Variants in HMGB1 observed in about 807,000 individuals in gnomAD.
HMGB1 encodes the protein high mobility group box 1.
For synonymous variants in HMGB1, 81 were observed against 84.0 expected, an observed-to-expected ratio of 0.96 and a Z score of 0.19; for missense variants, 79 against 253.5, an observed-to-expected ratio of 0.31 and a Z score of 4.67.
intron 1 of HMGB1, among the ~76,000 whole-genome samples, chr13:30,582,648 A>C (rs2137544103): frequency 6.6e-6 from 1 of 152,128 alleles, no homozygotes; most frequent in African/African-American, 2.4e-5. Flanking sequence ...AAAAAAAAAA[A>C]CAAAAACCAT....
At chr13:30,504,770 T>C (rs1887812091) in intron 1 of HMGB1, among the ~76,000 whole-genome samples, 1 of 150,330 alleles carries the variant, frequency 6.7e-6, no homozygotes, top group Non-Finnish European at 1.5e-5. Context: ...CAAGGAGGGG[T>C]AATACCAGAT....
At chr13:30,609,587 A>T (rs1950494839) in intron 1 of HMGB1, among the ~76,000 whole-genome samples, 1 of 152,190 alleles carries the variant, frequency 6.6e-6, no homozygotes, top group East Asian at 1.9e-4. Flanking sequence ...GACAGCAAGA[A>T]CAACCCGTCC....
intron 1 of HMGB1, among the ~76,000 whole-genome samples, chr13:30,513,390 T>G (rs1381661866): frequency 6.6e-6 from 1 of 152,212 alleles, no homozygotes; most frequent in Admixed American, 6.5e-5. Context: ...AATGCTCTCA[T>G]TGTATGCTAT....
intron 1 of HMGB1, among the ~76,000 whole-genome samples, chr13:30,546,043 T>C (rs998025253): frequency 6.6e-6 from 1 of 152,200 alleles, no homozygotes. Context: ...CACTAGTTGT[T>C]GGACAATGCA....
At chr13:30,479,274 A>G (rs889825985) in intron 1 of HMGB1, among the ~76,000 whole-genome samples, 5 of 151,850 alleles carry the variant, frequency 3.3e-5, no homozygotes, top group African/African-American at 1.2e-4. Flanking sequence ...TCAGTGACCA[A>G]CTCTTCTTAG....
Position 30,460,522 on chromosome 13 carries a change from G to C in HMGB1, c.*835C>G, listed in dbSNP as rs1313909374. ...CCATTACATGGTAATGGGAGTTAAA[G>C]AATAGAGTCCTCATGTAAAGGTTAG... On this transcript the variant is annotated 3_prime_UTR_variant, in exon 5 of 5. Transcript: ENST00000341423. 6.6e-6 allele frequency: 1 copy of C among 152,174 alleles called. No individual in the cohort carries two copies. The highest frequency in any genetic ancestry group is 6.6e-5 in the Admixed American group (1 of 15,222). The allele number at this position is 152,174 out of a possible 1,614,324, so 9.4% of individuals were successfully genotyped here.
rs1379120206 is a variant in HMGB1 at position 30,459,413 on chromosome 13, T to C, written c.*1944A>G. On this transcript the variant is annotated 3_prime_UTR_variant, in exon 5 of 5. Transcript: ENST00000341423. ...GTTACAAATTCTCCTTGAGCCAGAA[T>C]TCATTTTAAATGGATCAGAATTATT... The C allele has an allele frequency of 6.6e-6, 1 of 152,194 alleles. No individual in the cohort carries two copies. Among genetic ancestry groups the C allele is most frequent in the Non-Finnish European group, 1.5e-5 (1 of 68,028 alleles). 9.4% of individuals were successfully genotyped at this position (152,194 alleles called of 1,614,324 possible).
intron 1 of HMGB1, among the ~76,000 whole-genome samples, chr13:30,497,316 T>C (rs940379180): frequency 1.3e-5 from 2 of 152,096 alleles, no homozygotes; most frequent in Non-Finnish European, 2.9e-5. Flanking sequence ...AACCTCCGCC[T>C]TCCGGGTTCA....
At chr13:30,601,703 G>A (rs1293762559) in intron 1 of HMGB1, among the ~76,000 whole-genome samples, 1 of 84,792 alleles carries the variant, frequency 1.2e-5, no homozygotes, top group East Asian at 3.2e-4. Flanking sequence ...CCGAGATCCC[G>A]CCACTGCACT....
Position 30,465,508 on chromosome 13 carries a change from A to T in HMGB1, c.-15+288T>A, listed in dbSNP as rs528881739. On this transcript the variant is annotated intron_variant, in intron 1 of 4. Transcript: ENST00000341423. ...CAAAATTTTTTTAATTAAAAAAAAA[A>T]TTTTTTTTTTTGCGCCAGTCAGCGC... Among the ~76,000 whole-genome samples the T allele has an allele frequency of 3.9e-3, 570 of 146,436 alleles. 6 individuals carry two copies. Among genetic ancestry groups the T allele is most frequent in the African/African-American group, 0.011 (444 of 40,328 alleles).
chr13:30,491,663 A>G (rs976377032), intron 1 of HMGB1, among the ~76,000 whole-genome samples: 10 of 151,060 alleles, frequency 6.6e-5, no homozygotes, highest in Non-Finnish European at 1.3e-4. Context: ...CCTATCTCAA[A>G]AAAAAAAAAA....
intron 1 of HMGB1, chr13:30,540,222 C>A: frequency 5.2e-6 from 1 of 193,538 alleles, no homozygotes; most frequent in East Asian, 1.2e-4. Context: ...GGGGATCATC[C>A]AGATCTGTAG....
At chr13:30,605,387 GCA>G (rs2137568658) in intron 1 of HMGB1, among the ~76,000 whole-genome samples, 1 of 152,274 alleles carries the variant, frequency 6.6e-6, no homozygotes, top group South Asian at 2.1e-4. Flanking sequence ...GAGCCCAGAG[GCA>G]CTCCGATGTT....
chr13:30,566,085 C>G (rs1566027143), intron 1 of HMGB1, among the ~76,000 whole-genome samples: 1 of 152,108 alleles, frequency 6.6e-6, no homozygotes, highest in Admixed American at 6.6e-5. Flanking sequence ...GGAGCATCGC[C>G]CAGCTGACAA....
chr13:30,515,221 G>T (rs1267466100), intron 1 of HMGB1, among the ~76,000 whole-genome samples: 1 of 152,180 alleles, frequency 6.6e-6, no homozygotes, highest in Non-Finnish European at 1.5e-5. Flanking sequence ...GCAAGAAAGT[G>T]GGACCTCAGT....
At chr13:30,566,903 T>C (rs1471689919) in intron 1 of HMGB1, among the ~76,000 whole-genome samples, 2 of 152,186 alleles carry the variant, frequency 1.3e-5, no homozygotes, top group South Asian at 2.1e-4. Context: ...GAACCACAAA[T>C]GCGAAAAGGA....
chr13:30,538,451 A>ATTCCTTCTTTCTTTCT (rs1868555065), intron 1 of HMGB1, among the ~76,000 whole-genome samples: 1 of 90,612 alleles, frequency 1.1e-5, no homozygotes, highest in Non-Finnish European at 2.1e-5. Context: ...AGTACTAGCA[A>ATTCCTTCTTTCTTTCT]TTCTTTCTTT....
intron 1 of HMGB1, among the ~76,000 whole-genome samples, chr13:30,568,825 T>G (rs769014810): frequency 3.3e-5 from 5 of 152,092 alleles, no homozygotes; most frequent in Non-Finnish European, 5.9e-5. Context: ...AGCCACCAAG[T>G]TTGTGTGTCA....
At chr13:30,537,652 C>CATATTATAT (rs1491255988) in intron 1 of HMGB1, among the ~76,000 whole-genome samples, 31 of 68,022 alleles carry the variant, frequency 4.6e-4, no homozygotes, top group African/African-American at 1.2e-3. Flanking sequence ...CATTCTTGTT[C>CATATTATAT]ATATATATAT....
Sources: gnomAD v4.1 joint callset for allele counts (sites outside exome capture counted in the v4.1 genomes callset) on GRCh38, gnomAD v4.1.1 for gene constraint, MANE v1.5 for transcripts, NCBI Gene and HGNC (gene_info 2026-07-23, HGNC 2026-07-21) for gene names.